The following CSNK1G3 variants were observed in gnomAD, a reference collection of about 807,000 sequenced individuals.
The protein encoded by CSNK1G3 is casein kinase 1 gamma 3.
A neutral mutation model predicts 64.3 loss-of-function variants in CSNK1G3; 23 were observed. The observed-to-expected ratio is 0.36, with a 90% CI of 0.26 to 0.51. CSNK1G3 has a LOEUF of 0.51. Ranked by LOEUF, CSNK1G3 falls within the 20% of genes least tolerant of loss-of-function variation. The pLI, the probability that CSNK1G3 is intolerant of heterozygous loss-of-function variation, is 0.96. For missense variants in CSNK1G3, 357 were observed against 510.5 expected (o/e 0.70, Z 2.90); for synonymous variants, 158 against 162.2 (o/e 0.97, Z 0.20).
chr5:123,595,285 A>G (rs1793210574), intron 10 of CSNK1G3, 151 bp downstream of exon 11: 3 of 714,576 alleles, frequency 4.2e-6, no homozygotes, highest in Non-Finnish European at 6.7e-6. Flanking sequence ...ATTTAACCAG[A>G]AAAACCAAAA....
intron 1 of CSNK1G3, among the ~76,000 whole-genome samples, chr5:123,539,533 C>T (rs1483480944): frequency 1.3e-5 from 2 of 149,676 alleles, no homozygotes; most frequent in African/African-American, 4.9e-5. Context: ...TGGTACATTT[C>T]TAGTATTAAA....
At chr5:123,526,514 C>T (rs1779107244) in intron 1 of CSNK1G3, among the ~76,000 whole-genome samples, 1 of 152,006 alleles carries the variant, frequency 6.6e-6, no homozygotes, top group Admixed American at 6.6e-5. Flanking sequence ...CTCTAAAATT[C>T]ACTCTGCCAA....
At chr5:123,555,893 T>C (rs1024892267) in intron 3 of CSNK1G3, among the ~76,000 whole-genome samples, 5 of 152,138 alleles carry the variant, frequency 3.3e-5, no homozygotes. Flanking sequence ...TATGTACTTC[T>C]AGGTAGTTAA....
chr5:123,536,439 T>TTA lies in CSNK1G3; in HGVS notation c.-247-8977_-247-8976dup, dbSNP rs1554068708. ...AATATGAAGGGCTTTTTTTTTTTTT[T>TTA]TAAAAAAAAAAGCTTCTTAAAGCTA... On this transcript the variant is annotated intron_variant, in intron 1 of 12. Transcript: ENST00000345990. 2.6e-4 allele frequency among the ~76,000 whole-genome samples: 39 copies of TTA among 149,392 alleles called. 1 individual carries two copies. The highest frequency in any genetic ancestry group is 5.9e-4 in the East Asian group (3 of 5,122).
intron 6 of CSNK1G3, among the ~76,000 whole-genome samples, chr5:123,580,254 C>T (rs148035106): frequency 6.0e-4 from 91 of 151,984 alleles, no homozygotes; most frequent in African/African-American, 2.1e-3. Context: ...ACTTCTTGCT[C>T]ACATGAACTT....
intron 10 of CSNK1G3, among the ~76,000 whole-genome samples, chr5:123,593,202 T>TACACAC (rs1554081831): frequency 0.081 from 11,954 of 146,816 alleles, 555 homozygotes; most frequent in African/African-American, 0.099. Context: ...TGTGTATATA[T>TACACAC]ACACACACAC....
At chr5:123,599,786 ATAATT>A (rs1325312667) in intron 10 of CSNK1G3, among the ~76,000 whole-genome samples, 7 of 152,240 alleles carry the variant, frequency 4.6e-5, no homozygotes, top group Admixed American at 2.6e-4. Flanking sequence ...TATTACATAA[ATAATT>A]TATAGTTCAT....
chr5:123,546,043 C>T, intron 2 of CSNK1G3: 1 of 502,252 alleles, frequency 2.0e-6, no homozygotes, highest in Non-Finnish European at 3.6e-6. Flanking sequence ...TCTACTTTAG[C>T]CATCCAGAGA....
intron 10 of CSNK1G3, among the ~76,000 whole-genome samples, chr5:123,597,712 A>G (rs527503893): frequency 1.3e-5 from 2 of 152,116 alleles, no homozygotes; most frequent in Non-Finnish European, 2.9e-5. Context: ...CAGAGTTACC[A>G]AGTTGAGAGT....
intron 12 of CSNK1G3, among the ~76,000 whole-genome samples, chr5:123,613,457 A>G (rs533585822): frequency 2.0e-5 from 3 of 151,698 alleles, no homozygotes; most frequent in Non-Finnish European, 2.9e-5. Flanking sequence ...AATATAATAT[A>G]TGTGTGTACA....
At chr5:123,576,463 A>G (rs768809520) in intron 6 of CSNK1G3, among the ~76,000 whole-genome samples, 1 of 152,144 alleles carries the variant, frequency 6.6e-6, no homozygotes, top group Non-Finnish European at 1.5e-5. Flanking sequence ...TAACCTTTTT[A>G]AGGGGTTTCT....
intron 5 of CSNK1G3, among the ~76,000 whole-genome samples, chr5:123,574,123 A>G (rs911893910): frequency 6.6e-6 from 1 of 152,166 alleles, no homozygotes; most frequent in African/African-American, 2.4e-5. Context: ...TTCTGGGATT[A>G]CAGGCGTGAG....
exon 11 of CSNK1G3, chr5:123,604,756 A>G (rs954169560): frequency 1.2e-6 from 2 of 1,611,720 alleles, no homozygotes; most frequent in African/African-American, 2.7e-5. Flanking sequence ...AGTTAAACAC[A>G]GATGACCCCA....
intron 8 of CSNK1G3, 39 bp from the exon 9 acceptor site, chr5:123,590,371 A>G (rs1391817116): frequency 2.8e-6 from 3 of 1,082,784 alleles, no homozygotes; most frequent in Non-Finnish European, 3.7e-6. Flanking sequence ...TGAGTATTAA[A>G]GAAAAGTATA....
At chr5:123,548,894 A>G (rs1368065179) in intron 2 of CSNK1G3, among the ~76,000 whole-genome samples, 1 of 152,248 alleles carries the variant, frequency 6.6e-6, no homozygotes, top group Non-Finnish European at 1.5e-5. Flanking sequence ...CCAAAACACA[A>G]TATCCAGAAA....
At chr5:123,551,029 G>A in intron 2 of CSNK1G3, among the ~76,000 whole-genome samples, 1 of 152,110 alleles carries the variant, frequency 6.6e-6, no homozygotes, top group Non-Finnish European at 1.5e-5. Flanking sequence ...TACTTTTAGA[G>A]GCATTTGTTA....
At chr5:123,607,522 C>T (rs1002579880) in intron 12 of CSNK1G3, among the ~76,000 whole-genome samples, 5 of 152,060 alleles carry the variant, frequency 3.3e-5, no homozygotes, top group Non-Finnish European at 7.4e-5. Context: ...TTATGTGATT[C>T]CATTTAAATG....
chr5:123,580,236 A>G (rs906988005), intron 6 of CSNK1G3, among the ~76,000 whole-genome samples: 1 of 151,888 alleles, frequency 6.6e-6, no homozygotes, highest in Admixed American at 6.6e-5. Context: ...ATTCTTAGGC[A>G]CTCAAGGACT....
In CSNK1G3 at chr5:123,569,049, A is replaced by G. The variant is rs114323102; in HGVS notation, c.290-4344A>G. 6.9e-3 allele frequency among the ~76,000 whole-genome samples: 1,045 copies of G among 152,322 alleles called. 10 individuals are homozygous for G. The highest frequency in any genetic ancestry group is 0.024 in the African/African-American group (980 of 41,576). On this transcript the variant is annotated intron_variant, in intron 4 of 12. Coordinates refer to ENST00000345990, the Ensembl canonical transcript of CSNK1G3. ...CAATTACATTTGCACCAAGCTAATA[A>G]TTTGTTTAATTAGCTTAGAGTTGGT...
Sources: allele counts gnomAD v4.1 joint callset (sites outside exome capture counted in the v4.1 genomes callset), GRCh38; gene constraint gnomAD v4.1.1; transcripts MANE v1.5; gene names NCBI Gene and HGNC (gene_info 2026-07-23, HGNC 2026-07-21).